DOCK8: variants seen among roughly 807,000 people sequenced by gnomAD.
The protein encoded by DOCK8 is dedicator of cytokinesis protein 8.
Under a neutral mutation model 245.6 loss-of-function variants are expected in DOCK8, and 141 were observed. The ratio of observed to expected loss-of-function variants is 0.57; its 90% CI spans 0.50 to 0.66. The LOEUF is 0.66. DOCK8 is among the 30% of genes least tolerant of loss of function. The pLI, the probability that DOCK8 is intolerant of heterozygous loss-of-function variation, is 0.00. For missense variants in DOCK8, 2,965 were observed against 2,603.4 expected (o/e 1.14, Z -3.02); for synonymous variants, 1,168 against 970.2 (o/e 1.20, Z -3.79).
chr9:231,466 G>C (rs2047115404), intron 1 of DOCK8, among the ~76,000 whole-genome samples: 1 of 152,180 alleles, frequency 6.6e-6, no homozygotes, highest in African/African-American at 2.4e-5. Flanking sequence ...GATGCGGATG[G>C]CTTGAATCTC....
chr9:439,337 C>G lies in DOCK8; in HGVS notation c.5172C>G (p.Thr1724=). 1.9e-6 allele frequency: 3 copies of G among 1,614,130 alleles called. No homozygotes were observed. The highest frequency in any genetic ancestry group is 2.5e-6 in the Non-Finnish European group (3 of 1,180,036). ...GGGTGTGCGCAGGCCAGTACTTCAC[C>G]GAGAGTGGCCTGGTAGGCCTCCTGG... ...EDGVCAGQYF[T]ESGLVGLLEQ... Residue 1724 remains threonine, a synonymous_variant, in exon 40 of 48, where the codon ACC becomes ACG. Transcript: ENST00000432829.
chr9:447,034 G>T (rs78870672), intron 44 of DOCK8, among the ~76,000 whole-genome samples: 11,830 of 152,140 alleles, frequency 0.078, 567 homozygotes, highest in African/African-American at 0.13. Context: ...CCCCAGTGAG[G>T]CGGTGGTGTG....
rs1167509067 is a variant in DOCK8, at chr9:446,430, G to A, written c.5641G>A (p.Val1881Ile). The A allele has an allele frequency of 6.2e-7, 1 of 1,614,202 alleles. No individual in the cohort carries two copies. Among genetic ancestry groups the A allele is most frequent in the East Asian group, 2.2e-5 (1 of 44,890 alleles). ...YFDEYEMKDR[V>I]TYFEKNFNLR... ...TGATGAGTATGAGATGAAAGACAGG[G>A]TCACATACTTTGAGAAGAATTTCAA... Residue 1881 changes from valine (V) to isoleucine (I), a missense_variant, in exon 44 of 48, where the codon GTC (valine) becomes ATC (isoleucine). Physicochemically the swap from Val to Ile is conservative, Grantham distance 29 (BLOSUM62 3). Around this residue, in one of 3 missense-constraint regions of DOCK8, gnomAD observed 2,825 missense variants for 2,453.5 expected, o/e 1.15. Coordinates refer to ENST00000432829, the MANE Select transcript of DOCK8 (RefSeq NM_203447.4).
chr9:290,835 T>G (rs904308117), intron 4 of DOCK8, among the ~76,000 whole-genome samples: 2 of 152,224 alleles, frequency 1.3e-5, no homozygotes, highest in African/African-American at 4.8e-5. Context: ...TGAAAGACTT[T>G]GAGGATTGGG....
chr9:373,305 G>A (rs115786104), intron 18 of DOCK8, among the ~76,000 whole-genome samples: 1,973 of 152,228 alleles, frequency 0.013, 33 homozygotes, highest in African/African-American at 0.023. Context: ...AGTAAATCTC[G>A]GACATCATAT....
intron 1 of DOCK8, among the ~76,000 whole-genome samples, chr9:230,497 A>C (rs1034153823): frequency 6.6e-6 from 1 of 152,070 alleles, no homozygotes. Context: ...CAATGGTTGA[A>C]TTAGTTTACA....
chr9:249,727 C>T (rs1351870623), intron 1 of DOCK8, among the ~76,000 whole-genome samples: 4 of 152,086 alleles, frequency 2.6e-5, no homozygotes, highest in South Asian at 2.1e-4. Flanking sequence ...AAGCGATTCT[C>T]CTGCCTCAGC....
chr9:432,064 A>T, intron 36 of DOCK8, 102 bp from the exon 37 acceptor site: 2 of 1,213,638 alleles, frequency 1.6e-6, no homozygotes, highest in Non-Finnish European at 2.4e-6. Context: ...GGGGCAAAGG[A>T]AACACTGAGG....
At chr9:328,325 G>T (rs1364317755) in intron 9 of DOCK8, among the ~76,000 whole-genome samples, 154 bp downstream of exon 9, 3 of 152,128 alleles carry the variant, frequency 2.0e-5, no homozygotes, top group Non-Finnish European at 1.5e-5. Flanking sequence ...TCCGTTCTAA[G>T]TAAACTGTTT....
chr9:270,250 T>A (rs1448755821), intron 1 of DOCK8, among the ~76,000 whole-genome samples: 1 of 152,172 alleles, frequency 6.6e-6, no homozygotes, highest in Admixed American at 6.5e-5. Flanking sequence ...TCCTCTGGGG[T>A]TTCACACTTC....
chr9:436,350 A>G (rs1200291471), intron 39 of DOCK8, among the ~76,000 whole-genome samples: 2 of 152,244 alleles, frequency 1.3e-5, no homozygotes, highest in Non-Finnish European at 2.9e-5. Context: ...GTGTACAAGA[A>G]AGTTATAAAA....
At chr9:213,583 G>A (rs56256361), upstream of DOCK8, 22 of 152,194 alleles carry the variant, frequency 1.4e-4, no homozygotes, top group Admixed American at 6.5e-4. Context: ...TGTTTTCTGC[G>A]CTGTCTTTAA....
rs1356849407 is a variant in DOCK8, at chr9:334,479, T to G, written c.1285+95T>G. Reference sequence around the variant, plus strand: ...AGCGGGGACTGGGGGCACAGTGAGGTGTGGGAAGTGGGGAGGCAGAAGGAG... The same window carrying G: ...AGCGGGGACTGGGGGCACAGTGAGGGGTGGGAAGTGGGGAGGCAGAAGGAG... On this transcript the variant is annotated intron_variant, in intron 11 of 47. Coordinates refer to ENST00000432829, the MANE Select transcript of DOCK8 (RefSeq NM_203447.4). 2.2e-6 allele frequency: 3 copies of G among 1,384,836 alleles called. No individual in the cohort carries two copies. In the East Asian group the frequency reaches 6.9e-5, roughly 32 times the overall value. The allele number at this position is 1,384,836 out of a possible 1,614,324, so 85.8% of individuals were successfully genotyped here. A position where few individuals can be genotyped will look rare whatever the true frequency, so the allele number is the denominator to read the frequency against.
intron 14 of DOCK8, among the ~76,000 whole-genome samples, chr9:367,580 G>C: frequency 6.6e-6 from 1 of 152,166 alleles, no homozygotes; most frequent in Non-Finnish European, 1.5e-5. Flanking sequence ...GCCAATACGA[G>C]TGCCATGCCA....
intron 14 of DOCK8, among the ~76,000 whole-genome samples, chr9:367,165 G>A (rs1253474810): frequency 4.6e-5 from 7 of 152,144 alleles, no homozygotes; most frequent in African/African-American, 7.2e-5. Context: ...TTGGAACATT[G>A]GCCTGACTCA....
At chr9:300,317 T>A (rs1332764501) in intron 4 of DOCK8, among the ~76,000 whole-genome samples, 1 of 152,106 alleles carries the variant, frequency 6.6e-6, no homozygotes, top group Non-Finnish European at 1.5e-5. Flanking sequence ...CATTTCTTAC[T>A]TTATCTATCT....
intron 2 of DOCK8, among the ~76,000 whole-genome samples, chr9:285,547 A>C (rs7865185): frequency 0.04 from 6,053 of 152,238 alleles, 260 homozygotes; most frequent in African/African-American, 0.11. Context: ...TTAATATGAC[A>C]CAAATCTACT....
chr9:305,577 G>T (rs560848076), intron 5 of DOCK8, among the ~76,000 whole-genome samples: 2 of 152,222 alleles, frequency 1.3e-5, no homozygotes, highest in South Asian at 2.1e-4. Context: ...GAGCCACCAC[G>T]CCTGGCCAGT....
In DOCK8 at chr9:427,080, C is replaced by T. The variant is rs1297001524; in HGVS notation, c.4338+99C>T. 24 of 972,672 alleles carry T rather than the reference C, an allele frequency of 2.5e-5. 1 individual carries two copies. In the Admixed American group the frequency reaches 4.4e-4, roughly 18 times the overall value. 60.3% of individuals were successfully genotyped at this position (972,672 alleles called of 1,614,324 possible). ...AAATTGTGAAAGACATAAATGTGAT[C>T]CCATAGTACCTTTTTTAAAAAAATG... On this transcript the variant is annotated intron_variant, in intron 34 of 47. Coordinates refer to ENST00000432829, the MANE Select transcript of DOCK8 (RefSeq NM_203447.4).
Sources: allele counts gnomAD v4.1 joint callset (sites outside exome capture counted in the v4.1 genomes callset), GRCh38; gene constraint gnomAD v4.1.1; regional missense constraint gnomAD v4.1.1; transcripts MANE v1.5; gene names NCBI Gene and HGNC (gene_info 2026-07-23, HGNC 2026-07-21).